LRBA: variants seen among roughly 807,000 people sequenced by gnomAD.
The protein encoded by LRBA is LPS responsive beige-like anchor protein.
LRBA carries 176 observed loss-of-function variants against 330.0 expected under a neutral mutation model. The ratio of observed to expected loss-of-function variants is 0.53; its 90% CI spans 0.47 to 0.60. The LOEUF (loss-of-function observed/expected upper bound fraction) is 0.60, where lower values mean the gene tolerates loss of function less well. Ranked by LOEUF, LRBA falls within the 20% of genes least tolerant of loss-of-function variation. LRBA has a pLI of 0.00. For missense variants in LRBA, 3,259 were observed against 3,444.8 expected (o/e 0.95, Z 1.35); for synonymous variants, 1,230 against 1,193.0 (o/e 1.03, Z -0.64).
At chr4:150,989,046 A>T (rs1324507985) in intron 2 of LRBA, among the ~76,000 whole-genome samples, 1 of 152,038 alleles carries the variant, frequency 6.6e-6, no homozygotes, top group Non-Finnish European at 1.5e-5. Context: ...TCTGTCACCC[A>T]GGCTGGAGTA....
chr4:150,805,542 G>GAAGGAAAGGAAAGGAAAGGA (rs201716281), intron 33 of LRBA, among the ~76,000 whole-genome samples: 158 of 55,182 alleles, frequency 2.9e-3, no homozygotes, highest in African/African-American at 8.3e-3. Flanking sequence ...AAGGAAGGGA[G>GAAGGAAAGGAAAGGAAAGGA]AAGGAAAGGA....
At chr4:150,817,327 A>G in intron 30 of LRBA, 70 bp from the exon 31 acceptor site, 1 of 1,373,498 alleles carries the variant, frequency 7.3e-7, no homozygotes, top group East Asian at 2.3e-5. Context: ...TGAATTTCAA[A>G]ACAGAAACTA....
chr4:150,677,528 T>C (rs1276529574), intron 37 of LRBA, among the ~76,000 whole-genome samples: 1 of 152,164 alleles, frequency 6.6e-6, no homozygotes, highest in East Asian at 1.9e-4. Context: ...GTCTTTGAAA[T>C]TATACAAAAA....
intron 47 of LRBA, among the ~76,000 whole-genome samples, chr4:150,397,122 T>C (rs1338165295): frequency 6.6e-6 from 1 of 152,170 alleles, no homozygotes. Context: ...CATAAACACA[T>C]CTTATATACT....
In LRBA at chr4:150,467,207, T is replaced by C. The variant is rs557898591; in HGVS notation, c.6780+466A>G. ...AATCTATGAGTTCATAAAGATACTT[T>C]TTTAATAGTCAGTTTGATACCATTG... On this transcript the variant is annotated intron_variant, in intron 44 of 56. Transcript: ENST00000651943. 3.8e-4 allele frequency among the ~76,000 whole-genome samples: 58 copies of C among 152,276 alleles called. 1 individual carries two copies. The highest frequency in any genetic ancestry group is 2.0e-3 in the Admixed American group (30 of 15,274).
At chr4:150,756,045 C>CAAA (rs70941436) in intron 35 of LRBA, among the ~76,000 whole-genome samples, 2 of 127,828 alleles carry the variant, frequency 1.6e-5, no homozygotes, top group East Asian at 2.4e-4. Flanking sequence ...GACCCTATCT[C>CAAA]AAAAAAAAAA....
At chr4:150,966,973 T>C (rs1738972094) in intron 2 of LRBA, among the ~76,000 whole-genome samples, 1 of 152,178 alleles carries the variant, frequency 6.6e-6, no homozygotes, top group South Asian at 2.1e-4. Flanking sequence ...CTAAACAACA[T>C]AGAAACATAA....
intron 40 of LRBA, among the ~76,000 whole-genome samples, chr4:150,501,762 T>C (rs1044817648): frequency 2.6e-5 from 4 of 152,124 alleles, no homozygotes; most frequent in Non-Finnish European, 5.9e-5. Context: ...TTGATGAAGA[T>C]GGAGTAACAG....
At position 150,674,136 on chromosome 4, in the gene LRBA, C is replaced by G. The variant is rs149797938; in HGVS notation, c.5921+9415G>C. ...TCCATTTTATATATTGGGGTTCTAA[C>G]TAAGAACAGTATTTACAAAAAAAAG... On this transcript the variant is annotated intron_variant, in intron 37 of 56. Coordinates refer to ENST00000651943, the MANE Select transcript of LRBA (RefSeq NM_001364905.1). Among the ~76,000 whole-genome samples the G allele has an allele frequency of 2.4e-3, 364 of 150,790 alleles. 2 individuals are homozygous for G. The highest frequency in any genetic ancestry group is 8.4e-3 in the African/African-American group (345 of 41,108).
chr4:150,752,128 T>A (rs1382428354), intron 35 of LRBA, among the ~76,000 whole-genome samples: 3 of 152,188 alleles, frequency 2.0e-5, no homozygotes, highest in African/African-American at 7.2e-5. Flanking sequence ...GAGAAGAGGA[T>A]AAATTGCTTC....
At chr4:150,692,264 G>A (rs1222631124) in intron 36 of LRBA, among the ~76,000 whole-genome samples, 1 of 152,098 alleles carries the variant, frequency 6.6e-6, no homozygotes. Context: ...TATTGTCTAG[G>A]CTGGAGTGCA....
At chr4:150,810,201 A>C (rs189890245) in intron 31 of LRBA, among the ~76,000 whole-genome samples, 9 of 152,268 alleles carry the variant, frequency 5.9e-5, no homozygotes, top group South Asian at 2.1e-4. Context: ...ACCAGGTCTC[A>C]GTCAAATCTA....
intron 44 of LRBA, among the ~76,000 whole-genome samples, chr4:150,452,070 C>A (rs1010797225): frequency 1.3e-5 from 2 of 152,126 alleles, no homozygotes; most frequent in African/African-American, 4.8e-5. Flanking sequence ...CTTCAAAACT[C>A]ATTTTGTCAC....
chr4:150,860,798 AG>A (rs1751818879), intron 22 of LRBA, among the ~76,000 whole-genome samples: 1 of 152,142 alleles, frequency 6.6e-6, no homozygotes, highest in Non-Finnish European at 1.5e-5. Context: ...ACAGGGCGAC[AG>A]AGCGAGACTC....
At chr4:150,933,686 ATAT>A (rs1734755926) in intron 2 of LRBA, among the ~76,000 whole-genome samples, 1 of 127,766 alleles carries the variant, frequency 7.8e-6, no homozygotes, top group Non-Finnish European at 1.8e-5. Flanking sequence ...CCATGAACAC[ATAT>A]TACTTATTTC....
chr4:150,278,833 T>C (rs902307861), intron 55 of LRBA, among the ~76,000 whole-genome samples: 3 of 152,064 alleles, frequency 2.0e-5, no homozygotes, highest in African/African-American at 4.8e-5. Context: ...GTTTTTTTTT[T>C]TCCCCCCTCG....
chr4:150,294,136 C>A (rs1444323533), intron 53 of LRBA, among the ~76,000 whole-genome samples: 1 of 152,128 alleles, frequency 6.6e-6, no homozygotes, highest in African/African-American at 2.4e-5. Context: ...CAAAAGTCAA[C>A]TGTACATTAG....
chr4:150,851,111 C>G (rs1750564879), intron 23 of LRBA, among the ~76,000 whole-genome samples: 1 of 152,060 alleles, frequency 6.6e-6, no homozygotes, highest in Admixed American at 6.6e-5. Flanking sequence ...GCAAAACTAC[C>G]ACAATTTAAA....
intron 2 of LRBA, among the ~76,000 whole-genome samples, chr4:150,985,605 T>C (rs1187468748): frequency 6.6e-6 from 1 of 151,944 alleles, no homozygotes; most frequent in African/African-American, 2.4e-5. Context: ...TTCACGCCGT[T>C]CTCCTGCCTC....
Sources: gnomAD v4.1 joint callset for allele counts (sites outside exome capture counted in the v4.1 genomes callset) on GRCh38, gnomAD v4.1.1 for gene constraint, MANE v1.5 for transcripts, NCBI Gene and HGNC (gene_info 2026-07-23, HGNC 2026-07-21) for gene names.